GUCY1A2: variants seen among roughly 807,000 people sequenced by gnomAD.
The protein encoded by GUCY1A2 is guanylate cyclase soluble subunit alpha-2.
Under a neutral mutation model 63.5 loss-of-function variants are expected in GUCY1A2, and 27 were observed. The observed-to-expected ratio is 0.43, with a 90% CI of 0.31 to 0.59. The LOEUF is 0.59. GUCY1A2 is among the 20% of genes least tolerant of loss of function. The pLI is 0.11. For synonymous variants in GUCY1A2, 364 were observed against 343.5 expected, an observed-to-expected ratio of 1.06 and a Z score of -0.66; for missense variants, 768 against 913.3, an observed-to-expected ratio of 0.84 and a Z score of 2.05.
intron 1 of GUCY1A2, among the ~76,000 whole-genome samples, chr11:107,016,284 G>T (rs1591365402): frequency 6.6e-6 from 1 of 152,360 alleles, no homozygotes; most frequent in Non-Finnish European, 1.5e-5. Context: ...CTGTCAGGAG[G>T]AGCTAAAGCT....
chr11:106,930,999 G>A (rs1041104400), intron 4 of GUCY1A2, among the ~76,000 whole-genome samples: 2 of 152,170 alleles, frequency 1.3e-5, no homozygotes, highest in South Asian at 2.1e-4. Context: ...AGTGTTGACC[G>A]ATAAAGCCCA....
intron 6 of GUCY1A2, among the ~76,000 whole-genome samples, chr11:106,747,790 T>C (rs1863815462): frequency 1.3e-5 from 2 of 152,306 alleles, no homozygotes; most frequent in African/African-American, 4.8e-5. Context: ...GAGGTCGGGC[T>C]TCCAGGAGGA....
At position 107,018,126 on chromosome 11, in the gene GUCY1A2, C is replaced by A; in HGVS notation, c.-71G>T. The A allele has an allele frequency of 9.5e-7, 1 of 1,048,506 alleles. No homozygotes were observed. Among genetic ancestry groups the A allele is most frequent in the Non-Finnish European group, 1.3e-6 (1 of 794,140 alleles). The allele number at this position is 1,048,506 out of a possible 1,614,324, so 65.0% of individuals were successfully genotyped here. A position where few individuals can be genotyped will look rare whatever the true frequency, so the allele number is the denominator to read the frequency against. ...CGAGCGGCGGCGGAGGCGGCGGTGG[C>A]GGGACCGGCAAGCGACAACGTTAAG... On this transcript the variant is annotated 5_prime_UTR_variant, in exon 1 of 8. Coordinates refer to ENST00000526355, the MANE Select transcript of GUCY1A2 (RefSeq NM_000855.3).
intron 4 of GUCY1A2, among the ~76,000 whole-genome samples, chr11:106,836,282 C>A (rs533274127): frequency 2.6e-5 from 4 of 151,978 alleles, no homozygotes; most frequent in Non-Finnish European, 5.9e-5. Flanking sequence ...TTGATTAACA[C>A]ATATTTTGTA....
intron 5 of GUCY1A2, among the ~76,000 whole-genome samples, chr11:106,784,799 AT>A (rs1864528395): frequency 6.6e-6 from 1 of 152,136 alleles, no homozygotes; most frequent in South Asian, 2.1e-4. Context: ...TATTAATGAG[AT>A]TAATGTTGCA....
chr11:106,918,865 G>A (rs889232858), intron 4 of GUCY1A2, among the ~76,000 whole-genome samples: 6 of 152,036 alleles, frequency 3.9e-5, no homozygotes, highest in Non-Finnish European at 8.8e-5. Context: ...ATAAAATCTT[G>A]ATTTATCATC....
intron 4 of GUCY1A2, among the ~76,000 whole-genome samples, chr11:106,927,014 A>C (rs989998607): frequency 6.7e-6 from 1 of 149,168 alleles, no homozygotes; most frequent in African/African-American, 2.4e-5. Flanking sequence ...AATCGTATCT[A>C]CTTAAAAACA....
chr11:106,811,457 G>T (rs1858761508), intron 4 of GUCY1A2, among the ~76,000 whole-genome samples: 1 of 152,030 alleles, frequency 6.6e-6, no homozygotes, highest in African/African-American at 2.4e-5. Flanking sequence ...TGACCAGTTG[G>T]GACTGTGCAT....
intron 6 of GUCY1A2, among the ~76,000 whole-genome samples, chr11:106,711,643 A>C (rs1377648690): frequency 6.6e-6 from 1 of 151,964 alleles, no homozygotes; most frequent in South Asian, 2.1e-4. Flanking sequence ...AGTGACCTTC[A>C]TTTCTTTGTG....
At chr11:106,766,574 TAAAG>T (rs965729883) in intron 6 of GUCY1A2, among the ~76,000 whole-genome samples, 4 of 65,232 alleles carry the variant, frequency 6.1e-5, no homozygotes, top group South Asian at 3.7e-4. Flanking sequence ...AGAAAACAAA[TAAAG>T]AGATTAAATA....
chr11:106,684,117 T>C lies in GUCY1A2; in HGVS notation c.*3432A>G. ...CACACATATTCACACTAAACTACTG[T>C]GTCCTGACACCGTTGTTACTGGACA... On this transcript the variant is annotated 3_prime_UTR_variant, in exon 8 of 8. Coordinates refer to ENST00000526355, the MANE Select transcript of GUCY1A2 (RefSeq NM_000855.3). The C allele has an allele frequency of 5.4e-6, 1 of 184,856 alleles. No individual in the cohort carries two copies. Among genetic ancestry groups the C allele is most frequent in the Non-Finnish European group, 1.1e-5 (1 of 87,050 alleles). 11.5% of individuals were successfully genotyped at this position (184,856 alleles called of 1,614,324 possible). A position where few individuals can be genotyped will look rare whatever the true frequency, so the allele number is the denominator to read the frequency against.
At chr11:106,852,444 GGGT>G (rs1394358777) in intron 4 of GUCY1A2, among the ~76,000 whole-genome samples, 2 of 152,062 alleles carry the variant, frequency 1.3e-5, no homozygotes, top group Non-Finnish European at 2.9e-5. Context: ...TGTTAGCCAT[GGGT>G]TTGTCATATA....
At chr11:107,012,466 T>C (rs376155343) in intron 1 of GUCY1A2, among the ~76,000 whole-genome samples, 2 of 152,170 alleles carry the variant, frequency 1.3e-5, no homozygotes, top group Non-Finnish European at 2.9e-5. Context: ...ATATTCCTCC[T>C]TATACACAAC....
chr11:106,893,844 A>G (rs2135479778), intron 4 of GUCY1A2, among the ~76,000 whole-genome samples: 1 of 152,244 alleles, frequency 6.6e-6, no homozygotes, highest in East Asian at 1.9e-4. Flanking sequence ...CAAGTCTGAG[A>G]GACTAAAAAC....
At chr11:106,813,822 ATCTGTGAGTACT>A (rs1858796326) in intron 4 of GUCY1A2, among the ~76,000 whole-genome samples, 1 of 152,070 alleles carries the variant, frequency 6.6e-6, no homozygotes, top group Non-Finnish European at 1.5e-5. Context: ...AACTCAACAC[ATCTGTGAGTACT>A]TGCTATTGCC....
intron 6 of GUCY1A2, among the ~76,000 whole-genome samples, chr11:106,721,338 A>C (rs1843988): frequency 0.54 from 81,367 of 152,012 alleles, 22,377 homozygotes; most frequent in Middle Eastern, 0.61. Context: ...GGATTACAGG[A>C]GTGAGCCACC....
chr11:106,814,462 T>C (rs537662495), intron 4 of GUCY1A2, among the ~76,000 whole-genome samples: 59 of 152,214 alleles, frequency 3.9e-4, no homozygotes, highest in African/African-American at 1.4e-3. Flanking sequence ...AATGTCCTGA[T>C]ATTCTCCCTC....
At chr11:106,835,627 C>T (rs544802043) in intron 4 of GUCY1A2, among the ~76,000 whole-genome samples, 1 of 151,460 alleles carries the variant, frequency 6.6e-6, no homozygotes, top group East Asian at 2.0e-4. Flanking sequence ...GAATTAGACG[C>T]TTAGTCATGA....
At chr11:106,856,892 C>A (rs1308690069) in intron 4 of GUCY1A2, among the ~76,000 whole-genome samples, 1 of 152,180 alleles carries the variant, frequency 6.6e-6, no homozygotes, top group African/African-American at 2.4e-5. Context: ...TCTGGACATT[C>A]TTTTCACTTA....
Sources: allele counts gnomAD v4.1 joint callset (sites outside exome capture counted in the v4.1 genomes callset), GRCh38; gene constraint gnomAD v4.1.1; transcripts MANE v1.5; gene names NCBI Gene and HGNC (gene_info 2026-07-23, HGNC 2026-07-21).